VAX2: variants seen among roughly 807,000 people sequenced by gnomAD.
The protein encoded by VAX2 is ventral anterior homeobox 2.
In VAX2, 8 loss-of-function variants were observed where a neutral mutation model predicts 12.5. The observed-to-expected ratio is 0.64, with a 90% CI of 0.37 to 1.15. The LOEUF (loss-of-function observed/expected upper bound fraction) is 1.15, where lower values mean the gene tolerates loss of function less well. Ranked by LOEUF, VAX2 falls within the 50% of genes most tolerant of loss-of-function variation. VAX2 has a pLI of 0.01. For missense variants in VAX2, 476 were observed against 412.9 expected (o/e 1.15, Z -1.32); for synonymous variants, 183 against 187.6 (o/e 0.98, Z 0.20).
intron 1 of VAX2, among the ~76,000 whole-genome samples, chr2:70,905,510 A>T (rs1279010925): frequency 1.3e-5 from 2 of 151,426 alleles, no homozygotes; most frequent in African/African-American, 4.9e-5. Context: ...GAAGCAGACC[A>T]GCAACCCGAA....
chr2:70,918,749 A>G (rs1328341645), intron 1 of VAX2, among the ~76,000 whole-genome samples: 2 of 150,666 alleles, frequency 1.3e-5, no homozygotes, highest in Non-Finnish European at 2.9e-5. Flanking sequence ...ACAAAAAATT[A>G]GCCAGGTGTG....
chr2:70,919,333 T>A (rs13409600), intron 1 of VAX2, among the ~76,000 whole-genome samples: 208 of 128,326 alleles, frequency 1.6e-3, no homozygotes, highest in African/African-American at 6.3e-3. Context: ...TGTTACTCCA[T>A]TTCCTCATCT....
At chr2:70,916,846 G>A (rs1319827938) in intron 1 of VAX2, among the ~76,000 whole-genome samples, 2 of 152,046 alleles carry the variant, frequency 1.3e-5, no homozygotes, top group Admixed American at 1.3e-4. Flanking sequence ...GTTTTTGTGT[G>A]AACATAGGAT....
intron 2 of VAX2, among the ~76,000 whole-genome samples, chr2:70,921,587 T>TG (rs71400960): frequency 0.023 from 3,563 of 151,826 alleles, 48 homozygotes; most frequent in Non-Finnish European, 0.033. Flanking sequence ...GGGAGTGGCT[T>TG]GGGGGGGTGT....
At chr2:70,922,252 A>AACG (rs1187243500) in intron 2 of VAX2, among the ~76,000 whole-genome samples, 1 of 152,242 alleles carries the variant, frequency 6.6e-6, no homozygotes, top group Non-Finnish European at 1.5e-5. Flanking sequence ...ATGCATTGTA[A>AACG]ACGACGGCCA....
At chr2:70,905,156 G>A (rs1168745142) in intron 1 of VAX2, among the ~76,000 whole-genome samples, 3 of 152,102 alleles carry the variant, frequency 2.0e-5, no homozygotes, top group Non-Finnish European at 4.4e-5. Flanking sequence ...CAGGCGTTTA[G>A]TAAGGACCAC....
chr2:70,908,558 C>T (rs1447175407), intron 1 of VAX2, among the ~76,000 whole-genome samples: 2 of 152,020 alleles, frequency 1.3e-5, no homozygotes, highest in African/African-American at 4.8e-5. Flanking sequence ...ATAACCAGTA[C>T]CCTATTTGTG....
chr2:70,913,051 G>A (rs1679224394), intron 1 of VAX2, among the ~76,000 whole-genome samples: 1 of 152,230 alleles, frequency 6.6e-6, no homozygotes, highest in African/African-American at 2.4e-5. Context: ...CTCAAAAAAA[G>A]AGGACTATTT....
intron 2 of VAX2, among the ~76,000 whole-genome samples, chr2:70,922,570 C>T (rs1336083453): frequency 6.6e-6 from 1 of 151,256 alleles, no homozygotes; most frequent in South Asian, 2.1e-4. Context: ...GAGAGGTTAG[C>T]AGGTTCCTCC....
At chr2:70,914,248 G>C (rs1679258721) in intron 1 of VAX2, among the ~76,000 whole-genome samples, 1 of 152,198 alleles carries the variant, frequency 6.6e-6, no homozygotes, top group South Asian at 2.1e-4. Flanking sequence ...AAGAGTTTGA[G>C]ACCAGCCTGG....
chr2:70,905,201 G>C (rs1679024643), intron 1 of VAX2, among the ~76,000 whole-genome samples: 1 of 152,170 alleles, frequency 6.6e-6, no homozygotes, highest in African/African-American at 2.4e-5. Context: ...TCTGTTAATA[G>C]ACCTGACAAC....
chr2:70,916,760 A>G (rs1679314283), intron 1 of VAX2, among the ~76,000 whole-genome samples: 1 of 151,990 alleles, frequency 6.6e-6, no homozygotes, highest in South Asian at 2.1e-4. Context: ...TTAACCATTC[A>G]CCCATTGAAG....
intron 1 of VAX2, among the ~76,000 whole-genome samples, chr2:70,918,754 G>A (rs1679366066): frequency 6.6e-6 from 1 of 151,804 alleles, no homozygotes; most frequent in Non-Finnish European, 1.5e-5. Flanking sequence ...AAATTAGCCA[G>A]GTGTGGTGGT....
intron 1 of VAX2, among the ~76,000 whole-genome samples, chr2:70,919,512 T>C (rs890997492): frequency 1.1e-4 from 17 of 151,642 alleles, no homozygotes; most frequent in Non-Finnish European, 1.9e-4. Context: ...TGAGACCCCA[T>C]CTCATTTTTT....
At chr2:70,903,907 C>G (rs1272053755) in intron 1 of VAX2, among the ~76,000 whole-genome samples, 1 of 152,182 alleles carries the variant, frequency 6.6e-6, no homozygotes, top group Non-Finnish European at 1.5e-5. Context: ...CAGTGCAGCC[C>G]TCCCCAATCT....
chr2:70,920,991 G>A (rs1333663988), intron 1 of VAX2, 107 bp from the exon 2 acceptor site: 1 of 1,327,740 alleles, frequency 7.5e-7, no homozygotes, highest in Non-Finnish European at 1.0e-6. Flanking sequence ...CCAGATCCAG[G>A]CCTGAGGAGC....
chr2:70,932,982 C>A lies in VAX2; in HGVS notation c.651C>A (p.Thr217=), dbSNP rs782413638. 1 of 1,609,962 alleles carries A rather than the reference C, an allele frequency of 6.2e-7. No individual in the cohort carries two copies. Among genetic ancestry groups the A allele is most frequent in the South Asian group, 1.1e-5 (1 of 90,652 alleles). ...GCCTACCTGCCAGCCACAGGGGCAC[C>A]TCCTTAGGTGACCCCAGGAACTCCT... ...LPGLPASHRG[T]SLGDPRNSSP... The change falls in exon 3 of 3, where the codon ACC becomes ACA. Residue 217 remains threonine (T), a synonymous_variant. Transcript: ENST00000234392.
intron 1 of VAX2, among the ~76,000 whole-genome samples, chr2:70,913,760 G>C (rs562051136): frequency 6.6e-6 from 1 of 151,976 alleles, no homozygotes; most frequent in East Asian, 1.9e-4. Context: ...CCAGTACAAG[G>C]TTTACAGGAA....
chr2:70,921,424 A>G, intron 2 of VAX2, 139 bp downstream of exon 2: 2 of 1,015,398 alleles, frequency 2.0e-6, no homozygotes, highest in Non-Finnish European at 2.7e-6. Flanking sequence ...ACTTTAAGCT[A>G]CAGGTAAACC....
Sources: gnomAD v4.1 joint callset for allele counts (sites outside exome capture counted in the v4.1 genomes callset) on GRCh38, gnomAD v4.1.1 for gene constraint, MANE v1.5 for transcripts, NCBI Gene and HGNC (gene_info 2026-07-23, HGNC 2026-07-21) for gene names.